Variants in RGL1 observed in about 807,000 individuals in gnomAD.
RGL1 encodes ral guanine nucleotide dissociation stimulator-like 1.
In RGL1, 24 loss-of-function variants were observed where a neutral mutation model predicts 95.2. The observed-to-expected ratio is 0.25, with a 90% confidence interval of 0.18 to 0.35. RGL1 has a LOEUF of 0.35. RGL1 is among the 10% of genes least tolerant of loss of function. RGL1 has a pLI of 1.00. For synonymous variants in RGL1, 329 were observed against 344.9 expected (o/e 0.95, Z 0.51); for missense variants, 715 against 936.3 (o/e 0.76, Z 3.08).
intron 1 of RGL1, among the ~76,000 whole-genome samples, chr1:183,714,971 C>T (rs1032006508): frequency 2.0e-5 from 3 of 152,060 alleles, no homozygotes; most frequent in African/African-American, 7.2e-5. Flanking sequence ...CGAGCCATTG[C>T]CATGCTATAT....
At chr1:183,645,491 T>C (rs988058634) in intron 1 of RGL1, among the ~76,000 whole-genome samples, 1 of 152,226 alleles carries the variant, frequency 6.6e-6, no homozygotes, top group African/African-American at 2.4e-5. Context: ...TTTACTTCTA[T>C]TTTCTTTATT....
chr1:183,852,883 T>C (rs1664912119), intron 3 of RGL1, among the ~76,000 whole-genome samples: 2 of 152,200 alleles, frequency 1.3e-5, no homozygotes, highest in African/African-American at 4.8e-5. Flanking sequence ...CAACCTCAAA[T>C]GTAGGGAGAA....
intron 2 of RGL1, among the ~76,000 whole-genome samples, chr1:183,798,220 T>C (rs554432726): frequency 2.0e-5 from 3 of 152,180 alleles, no homozygotes; most frequent in Non-Finnish European, 4.4e-5. Flanking sequence ...ACTGCTTTCT[T>C]CTAAACTTTT....
chr1:183,899,576 T>C (rs753428419), intron 10 of RGL1, among the ~76,000 whole-genome samples: 11 of 152,232 alleles, frequency 7.2e-5, no homozygotes, highest in Non-Finnish European at 1.6e-4. Flanking sequence ...GCGTGACATC[T>C]GGTGTCATGT....
At chr1:183,738,761 C>T (rs1013305042) in intron 1 of RGL1, among the ~76,000 whole-genome samples, 1 of 151,230 alleles carries the variant, frequency 6.6e-6, no homozygotes, top group Non-Finnish European at 1.5e-5. Flanking sequence ...ATTAGCTGGG[C>T]GTGGTGGCAG....
intron 3 of RGL1, among the ~76,000 whole-genome samples, chr1:183,849,793 G>C (rs1178364223): frequency 6.6e-6 from 1 of 151,994 alleles, no homozygotes; most frequent in African/African-American, 2.4e-5. Context: ...CAGCAAATTT[G>C]TTTTTTAAAC....
chr1:183,750,065 T>G (rs1279417394), intron 2 of RGL1, among the ~76,000 whole-genome samples: 1 of 152,166 alleles, frequency 6.6e-6, no homozygotes, highest in Non-Finnish European at 1.5e-5. Flanking sequence ...AGGAGCATCT[T>G]AGTGGTGCTC....
chr1:183,913,321 G>A (rs547208909), intron 15 of RGL1, among the ~76,000 whole-genome samples: 2 of 149,682 alleles, frequency 1.3e-5, no homozygotes, highest in South Asian at 2.1e-4. Context: ...TCAGCCTCCC[G>A]AGTAGCTGGG....
At chr1:183,823,389 G>A (rs1245576558) in intron 2 of RGL1, among the ~76,000 whole-genome samples, 1 of 151,998 alleles carries the variant, frequency 6.6e-6, no homozygotes, top group Admixed American at 6.6e-5. Flanking sequence ...ATTAGTCTTA[G>A]CTAATCATCT....
chr1:183,652,111 T>G (rs1650801590), intron 1 of RGL1, among the ~76,000 whole-genome samples: 1 of 152,250 alleles, frequency 6.6e-6, no homozygotes, highest in Non-Finnish European at 1.5e-5. Flanking sequence ...CTGTCTTTAT[T>G]ACTATTTCTT....
intron 16 of RGL1, among the ~76,000 whole-genome samples, chr1:183,919,534 A>G (rs1296426707): frequency 2.0e-5 from 3 of 152,212 alleles, no homozygotes; most frequent in African/African-American, 7.2e-5. Flanking sequence ...CGGGCCATAG[A>G]TTGCACACTG....
chr1:183,725,546 A>G (rs1656262932), intron 1 of RGL1, among the ~76,000 whole-genome samples: 1 of 152,142 alleles, frequency 6.6e-6, no homozygotes, highest in South Asian at 2.1e-4. Flanking sequence ...AGTTATATTA[A>G]TAGCCAAAAA....
chr1:183,924,134 T>A (rs1319899839), intron 17 of RGL1, among the ~76,000 whole-genome samples: 2 of 151,574 alleles, frequency 1.3e-5, no homozygotes, highest in East Asian at 3.9e-4. Context: ...CCCAAAGGAT[T>A]ATAAATCATT....
At position 183,652,313 on chromosome 1, in the gene RGL1, T is replaced by G. The variant is rs116763894; in HGVS notation, c.-33+15812T>G. Among the ~76,000 whole-genome samples, 4 of 152,338 alleles carry G rather than the reference T, an allele frequency of 2.6e-5. 1 individual carries two copies. Among genetic ancestry groups the G allele is most frequent in the African/African-American group, 9.6e-5 (4 of 41,578 alleles). On this transcript the variant is annotated intron_variant, in intron 1 of 18. Coordinates refer to the RGL1 transcript ENST00000304685. ...CCAGAAATGATACATCATTACTGTC[T>G]TTAAGGAGATGGAGAGGACTGTGGC...
intron 2 of RGL1, among the ~76,000 whole-genome samples, chr1:183,787,017 C>T (rs1470833419): frequency 3.3e-5 from 5 of 152,258 alleles, no homozygotes; most frequent in Middle Eastern, 3.4e-3. Flanking sequence ...ATAATCGGGA[C>T]CTGCTCAAAT....
At chr1:183,681,431 A>C (rs1261608340) in intron 1 of RGL1, among the ~76,000 whole-genome samples, 1 of 152,186 alleles carries the variant, frequency 6.6e-6, no homozygotes, top group Admixed American at 6.5e-5. Context: ...TATTGAGATA[A>C]TCATGTGGTT....
intron 1 of RGL1, among the ~76,000 whole-genome samples, chr1:183,729,842 G>C (rs1656525166): frequency 6.6e-6 from 1 of 152,064 alleles, no homozygotes; most frequent in Non-Finnish European, 1.5e-5. Context: ...AATAAATGTG[G>C]TAAGTGAAAG....
intron 13 of RGL1, 136 bp from the exon 14 acceptor site, chr1:183,906,876 T>C: frequency 1.6e-6 from 1 of 641,658 alleles, no homozygotes; most frequent in Admixed American, 2.4e-5. Context: ...ACGTTTATGA[T>C]AGGACAACGT....
chr1:183,702,011 T>C (rs1274892667), intron 1 of RGL1, among the ~76,000 whole-genome samples: 2 of 152,250 alleles, frequency 1.3e-5, no homozygotes, highest in African/African-American at 4.8e-5. Flanking sequence ...GCTTTCTGCT[T>C]ATTGTCTTTG....
Sources: gnomAD v4.1 joint callset for allele counts (sites outside exome capture counted in the v4.1 genomes callset) on GRCh38, gnomAD v4.1.1 for gene constraint, MANE v1.5 for transcripts, NCBI Gene and HGNC (gene_info 2026-07-23, HGNC 2026-07-21) for gene names.